FRMD5: variants seen among roughly 807,000 people sequenced by gnomAD.
FRMD5 encodes the protein FERM domain-containing protein 5.
FRMD5 carries 20 observed loss-of-function variants against 69.0 expected under a neutral mutation model. The observed-to-expected ratio is 0.29, with a 90% CI of 0.20 to 0.42. The LOEUF is 0.42. FRMD5 is among the 10% of genes least tolerant of loss of function. The pLI, the probability that FRMD5 is intolerant of heterozygous loss-of-function variation, is 1.00. For synonymous variants in FRMD5, 271 were observed against 260.1 expected (o/e 1.04, Z -0.40); for missense variants, 595 against 708.6 (o/e 0.84, Z 1.82).
chr15:43,910,112 T>A, intron 4 of FRMD5, 133 bp from the exon 5 acceptor site: 1 of 532,648 alleles, frequency 1.9e-6, no homozygotes. Flanking sequence ...TAAAACATAA[T>A]GTAGAACAAA....
chr15:44,107,270 AAG>A (rs2076733601), intron 1 of FRMD5, among the ~76,000 whole-genome samples: 1 of 152,250 alleles, frequency 6.6e-6, no homozygotes, highest in Non-Finnish European at 1.5e-5. Flanking sequence ...AAAGCCAAGG[AAG>A]AGTGGTAATA....
chr15:44,153,773 A>G (rs2077483382), intron 1 of FRMD5, among the ~76,000 whole-genome samples: 1 of 152,220 alleles, frequency 6.6e-6, no homozygotes, highest in Admixed American at 6.5e-5. Flanking sequence ...GTTCAAGACC[A>G]GCCTGGCCAA....
intron 1 of FRMD5, among the ~76,000 whole-genome samples, chr15:43,985,823 G>A (rs1379666882): frequency 6.6e-6 from 1 of 152,176 alleles, no homozygotes; most frequent in Non-Finnish European, 1.5e-5. Flanking sequence ...ATGTCAGAGA[G>A]GAAAGATCAA....
At chr15:44,197,697 A>T (rs1595583359), upstream of FRMD5, among the ~76,000 whole-genome samples, 1 of 151,212 alleles carries the variant, frequency 6.6e-6, no homozygotes, top group Non-Finnish European at 1.5e-5. Context: ...AAAAAAAAAA[A>T]AGAAAGAAAG....
chr15:43,891,101 C>T (rs934891406), intron 8 of FRMD5, among the ~76,000 whole-genome samples: 2 of 152,186 alleles, frequency 1.3e-5, no homozygotes, highest in African/African-American at 4.8e-5. Context: ...TTAGACTTGG[C>T]AGTCTGAGGC....
chr15:43,913,015 G>C (rs555293452), intron 4 of FRMD5, among the ~76,000 whole-genome samples: 30 of 146,132 alleles, frequency 2.1e-4, no homozygotes, highest in African/African-American at 7.4e-4. Context: ...CCTGGCTGAC[G>C]AGAGCAAAAC....
At chr15:43,999,923 GTATA>G (rs57166959) in intron 1 of FRMD5, among the ~76,000 whole-genome samples, 87 of 58,198 alleles carry the variant, frequency 1.5e-3, no homozygotes, top group African/African-American at 4.4e-3. Flanking sequence ...GTGTGTGTAT[GTATA>G]TATATATATA....
intron 1 of FRMD5, among the ~76,000 whole-genome samples, chr15:44,115,641 A>C (rs2076857733): frequency 6.6e-6 from 1 of 152,236 alleles, no homozygotes. Context: ...ATCCAGTAAA[A>C]TGAAATACTT....
At chr15:44,150,431 A>G (rs1388393157) in intron 1 of FRMD5, among the ~76,000 whole-genome samples, 2 of 151,936 alleles carry the variant, frequency 1.3e-5, no homozygotes, top group African/African-American at 4.8e-5. Context: ...AAAAAGAAAA[A>G]AAAAAAAAAC....
At chr15:43,974,290 T>C (rs969558196) in intron 1 of FRMD5, among the ~76,000 whole-genome samples, 1 of 152,064 alleles carries the variant, frequency 6.6e-6, no homozygotes, top group African/African-American at 2.4e-5. Context: ...ATCTAGGAGG[T>C]GAACAGCTTG....
intron 1 of FRMD5, among the ~76,000 whole-genome samples, chr15:43,992,877 T>C (rs1304630015): frequency 6.6e-6 from 1 of 152,106 alleles, no homozygotes; most frequent in East Asian, 1.9e-4. Context: ...CACTTTTTCT[T>C]TTTTTGATGT....
chr15:44,153,002 A>T (rs986478452), intron 1 of FRMD5, among the ~76,000 whole-genome samples: 2 of 152,238 alleles, frequency 1.3e-5, no homozygotes, highest in African/African-American at 4.8e-5. Flanking sequence ...TGCAAATCAA[A>T]ATTACAATGA....
chr15:43,964,645 A>G (rs1256849439), intron 1 of FRMD5, among the ~76,000 whole-genome samples: 3 of 152,148 alleles, frequency 2.0e-5, no homozygotes, highest in African/African-American at 7.2e-5. Context: ...GTAAGCATGC[A>G]CATATTCAGA....
At chr15:44,022,857 C>A (rs1336725281) in intron 1 of FRMD5, among the ~76,000 whole-genome samples, 1 of 151,966 alleles carries the variant, frequency 6.6e-6, no homozygotes, top group Non-Finnish European at 1.5e-5. Context: ...AGCTGCATAC[C>A]GTTTTTCATA....
intron 1 of FRMD5, among the ~76,000 whole-genome samples, chr15:43,982,851 T>C (rs1160694341): frequency 2.0e-5 from 3 of 152,244 alleles, no homozygotes; most frequent in Non-Finnish European, 4.4e-5. Flanking sequence ...CTGTAAAATA[T>C]TTATTGATGC....
At chr15:43,974,641 C>T (rs1424902858) in intron 1 of FRMD5, among the ~76,000 whole-genome samples, 1 of 152,132 alleles carries the variant, frequency 6.6e-6, no homozygotes, top group African/African-American at 2.4e-5. Context: ...CTTGGCACAC[C>T]ATAGGTATTT....
At position 43,911,210 on chromosome 15, in the gene FRMD5, G is replaced by C. The variant is rs1414929539; in HGVS notation, c.330-1231C>G. Among the ~76,000 whole-genome samples, 3 of 152,210 alleles carry C rather than the reference G, an allele frequency of 2.0e-5. No individual in the cohort carries two copies. The East Asian group carries it at 5.8e-4, about 29-fold the overall frequency. ...TTAAAAATATTTCCACAGATTCTTT[G>C]ATAATCCTAATTTCATGAGGTAGAG... On this transcript the variant is annotated intron_variant, in intron 4 of 13. Coordinates refer to ENST00000417257, the MANE Select transcript of FRMD5 (RefSeq NM_032892.5).
chr15:44,112,743 C>T (rs955258485), intron 1 of FRMD5, among the ~76,000 whole-genome samples: 1 of 152,094 alleles, frequency 6.6e-6, no homozygotes, highest in African/African-American at 2.4e-5. Flanking sequence ...GCTAGGATTA[C>T]AGGCCTGAGC....
At chr15:44,170,400 C>A (rs2077780697) in intron 1 of FRMD5, among the ~76,000 whole-genome samples, 1 of 151,906 alleles carries the variant, frequency 6.6e-6, no homozygotes, top group African/African-American at 2.4e-5. Context: ...GCATACATCT[C>A]TAATCCCAGC....
Sources: allele counts gnomAD v4.1 joint callset (sites outside exome capture counted in the v4.1 genomes callset), GRCh38; gene constraint gnomAD v4.1.1; transcripts MANE v1.5; gene names NCBI Gene and HGNC (gene_info 2026-07-23, HGNC 2026-07-21).